Variants in CEP112 observed in about 807,000 individuals in gnomAD.
CEP112 encodes centrosomal protein 112.
A neutral mutation model predicts 153.0 loss-of-function variants in CEP112; 127 were observed. The ratio of observed to expected loss-of-function variants is 0.83; its 90% CI spans 0.72 to 0.96. CEP112 has a LOEUF of 0.96. Ranked by LOEUF, CEP112 falls within the 40% of genes least tolerant of loss-of-function variation. The pLI, the probability that CEP112 is intolerant of heterozygous loss-of-function variation, is 0.00. For synonymous variants in CEP112, 358 were observed against 374.4 expected (o/e 0.96, Z 0.51); for missense variants, 1,089 against 1,101.2 (o/e 0.99, Z 0.16).
chr17:65,967,573 C>T (rs997486894), intron 17 of CEP112, among the ~76,000 whole-genome samples: 2 of 152,026 alleles, frequency 1.3e-5, no homozygotes, highest in African/African-American at 4.8e-5. Context: ...GATGCAATAT[C>T]GTACACATTA....
At chr17:65,963,791 A>G (rs1281523447) in intron 17 of CEP112, among the ~76,000 whole-genome samples, 1 of 152,084 alleles carries the variant, frequency 6.6e-6, no homozygotes, top group Non-Finnish European at 1.5e-5. Context: ...GAAAGAGCAT[A>G]TCGTGCATGT....
At chr17:65,734,588 T>C (rs2145048721) in intron 23 of CEP112, among the ~76,000 whole-genome samples, 1 of 152,320 alleles carries the variant, frequency 6.6e-6, no homozygotes, top group Middle Eastern at 3.4e-3. Context: ...CAAAAAAAAT[T>C]AGTGAGACAA....
At chr17:65,646,681 C>T (rs189432284) in intron 24 of CEP112, among the ~76,000 whole-genome samples, 1 of 152,292 alleles carries the variant, frequency 6.6e-6, no homozygotes, top group East Asian at 1.9e-4. Flanking sequence ...CTTTGCTCTA[C>T]AGTTTCTCAA....
chr17:65,779,329 C>A (rs1237417583), intron 21 of CEP112, among the ~76,000 whole-genome samples: 2 of 152,164 alleles, frequency 1.3e-5, no homozygotes, highest in African/African-American at 4.8e-5. Flanking sequence ...AAAGCCCCTT[C>A]TTGAAAAGAG....
chr17:66,094,073 A>G (rs951603783), intron 8 of CEP112, among the ~76,000 whole-genome samples: 4 of 151,964 alleles, frequency 2.6e-5, no homozygotes, highest in African/African-American at 9.7e-5. Context: ...TTATTTATTT[A>G]TTTTGAGATG....
chr17:65,990,000 G>T, intron 17 of CEP112, among the ~76,000 whole-genome samples: 1 of 151,918 alleles, frequency 6.6e-6, no homozygotes. Context: ...GAGCCTCATA[G>T]TAACCACAAT....
At chr17:65,723,350 T>C (rs1474560627) in intron 23 of CEP112, among the ~76,000 whole-genome samples, 1 of 152,228 alleles carries the variant, frequency 6.6e-6, no homozygotes, top group Non-Finnish European at 1.5e-5. Flanking sequence ...AATATATCTC[T>C]CCAAAGAACA....
intron 17 of CEP112, among the ~76,000 whole-genome samples, chr17:66,000,492 T>TA (rs74269525): frequency 9.4e-4 from 132 of 139,820 alleles, no homozygotes; most frequent in Middle Eastern, 3.7e-3. Context: ...GTCAGTAGAT[T>TA]AAAAAAAAAA....
chr17:66,003,045 T>A (rs1302680676), intron 17 of CEP112, among the ~76,000 whole-genome samples: 1 of 152,224 alleles, frequency 6.6e-6, no homozygotes, highest in Non-Finnish European at 1.5e-5. Flanking sequence ...AACAGCCAAC[T>A]TGTGCTGTTT....
chr17:65,905,775 A>G (rs8065887), intron 19 of CEP112, among the ~76,000 whole-genome samples: 35,560 of 151,964 alleles, frequency 0.23, 4,561 homozygotes, highest in South Asian at 0.38. Context: ...TAAAAATAAA[A>G]AAACAAAAAC....
intron 16 of CEP112, among the ~76,000 whole-genome samples, chr17:66,026,863 T>C (rs530741058): frequency 7.9e-5 from 12 of 152,148 alleles, no homozygotes; most frequent in African/African-American, 2.4e-4. Flanking sequence ...CTTTGTGTAA[T>C]TTTTTTTCCT....
At chr17:65,986,786 C>G (rs572018378) in intron 17 of CEP112, among the ~76,000 whole-genome samples, 27 of 152,268 alleles carry the variant, frequency 1.8e-4, no homozygotes, top group Middle Eastern at 3.4e-3. Flanking sequence ...GGGAACTTCA[C>G]TGGCAGCTGA....
chr17:66,032,622 GA>G (rs1369744050), intron 12 of CEP112, among the ~76,000 whole-genome samples: 1 of 152,182 alleles, frequency 6.6e-6, no homozygotes, highest in East Asian at 1.9e-4. Flanking sequence ...TCTCAGAAGT[GA>G]GAGAAGAGCC....
intron 20 of CEP112, among the ~76,000 whole-genome samples, chr17:65,886,231 T>C (rs900201008): frequency 6.6e-6 from 1 of 152,042 alleles, no homozygotes; most frequent in African/African-American, 2.4e-5. Context: ...CATAAAAGAA[T>C]GGAAATGGGA....
At chr17:66,185,057 G>A (rs989128894) in intron 1 of CEP112, among the ~76,000 whole-genome samples, 4 of 152,190 alleles carry the variant, frequency 2.6e-5, no homozygotes, top group Admixed American at 2.0e-4. Flanking sequence ...CAGATCAGCA[G>A]CTCATGGGGA....
rs942957061 is a variant in CEP112 at position 65,883,751 on chromosome 17, G to T, written c.2163+18401C>A. Among the ~76,000 whole-genome samples the T allele has an allele frequency of 5.9e-5, 9 of 152,158 alleles. 1 individual carries two copies. Among genetic ancestry groups the T allele is most frequent in the Admixed American group, 5.2e-4 (8 of 15,266 alleles). ...CTAACCCAATGTACATTTTGAAAAA[G>T]ATCATCATGTCTGTTGAGAAAAATA... On this transcript the variant is annotated intron_variant, in intron 20 of 26. Coordinates refer to ENST00000535342, the MANE Select transcript of CEP112 (RefSeq NM_001199165.4).
chr17:65,864,811 A>G (rs1043588345), intron 20 of CEP112, among the ~76,000 whole-genome samples: 1 of 151,990 alleles, frequency 6.6e-6, no homozygotes, highest in Non-Finnish European at 1.5e-5. Flanking sequence ...TGTAAAATGA[A>G]CATCTAATTT....
intron 23 of CEP112, among the ~76,000 whole-genome samples, chr17:65,727,308 G>A (rs1258916990): frequency 6.6e-6 from 1 of 151,832 alleles, no homozygotes; most frequent in Non-Finnish European, 1.5e-5. Context: ...CTGCTTTCAT[G>A]TTCTTTGCTC....
At chr17:65,657,330 C>T (rs771095004) in intron 24 of CEP112, among the ~76,000 whole-genome samples, 4 of 152,120 alleles carry the variant, frequency 2.6e-5, no homozygotes, top group Non-Finnish European at 5.9e-5. Flanking sequence ...TTGATATATA[C>T]TATGAATACT....
Sources: allele counts gnomAD v4.1 joint callset (sites outside exome capture counted in the v4.1 genomes callset), GRCh38; gene constraint gnomAD v4.1.1; transcripts MANE v1.5; gene names NCBI Gene and HGNC (gene_info 2026-07-23, HGNC 2026-07-21).